Variants in RPS6KA2 observed in about 807,000 individuals in gnomAD.
RPS6KA2 encodes the protein ribosomal protein S6 kinase A2.
Under a neutral mutation model 91.8 loss-of-function variants are expected in RPS6KA2, and 42 were observed. The observed-to-expected ratio is 0.46, with a 90% CI of 0.36 to 0.59. RPS6KA2 has a LOEUF of 0.59. Ranked by LOEUF, RPS6KA2 falls within the 20% of genes least tolerant of loss-of-function variation. The pLI, the probability that RPS6KA2 is intolerant of heterozygous loss-of-function variation, is 0.00. For missense variants in RPS6KA2, 798 were observed against 978.5 expected (o/e 0.82, Z 2.46); for synonymous variants, 414 against 393.6 (o/e 1.05, Z -0.61).
In RPS6KA2 at chr6:166,533,696, C is replaced by T. The variant is rs1783375736; in HGVS notation, c.217-2383G>A. Reference sequence around the variant, plus strand: ...GAAGCCTTGGGTGGTTGCTCCAGCCCATGGTGGACTTTGGTAGGGTGACAG... The same window carrying T: ...GAAGCCTTGGGTGGTTGCTCCAGCCTATGGTGGACTTTGGTAGGGTGACAG... On this transcript the variant is annotated intron_variant, in intron 2 of 20. Transcript: ENST00000265678. The surrounding 1 kb of genome is among the most constrained non-coding windows in gnomAD (Gnocchi z 4.0). Among the ~76,000 whole-genome samples, 2 of 152,210 alleles carry T rather than the reference C, an allele frequency of 1.3e-5. No homozygotes were observed. The highest frequency in any genetic ancestry group is 4.8e-5 in the African/African-American group (2 of 41,452).
Position 166,432,403 on chromosome 6 carries a change from C to T in RPS6KA2, c.1420G>A (p.Asp474Asn). ...GCTGTTGCACGGGGACCACTCACAT[C>T]CTTGAGGGTGATGATGTTCGGGTGC... Reference protein sequence around the residue: ...GQHPNIITLKDVYDDGKFVYL... With the variant: ...GQHPNIITLKNVYDDGKFVYL... Residue 474 changes from aspartate (D) to asparagine (N), a missense_variant and splice_region_variant, in exon 15 of 21, where the codon GAT becomes AAT. Transcript: ENST00000265678. The T allele has an allele frequency of 6.2e-7, 1 of 1,608,554 alleles. No individual in the cohort carries two copies. The highest frequency in any genetic ancestry group is 1.1e-5 in the South Asian group (1 of 90,782).
intron 1 of RPS6KA2, among the ~76,000 whole-genome samples, chr6:166,597,322 A>C (rs1187101789): frequency 1.3e-5 from 2 of 152,216 alleles, no homozygotes; most frequent in Non-Finnish European, 2.9e-5. Flanking sequence ...GAGACAGCTC[A>C]TCTCTGAGGA....
At chr6:166,676,759 C>G (rs1329677031) in intron 2 of RPS6KA2, among the ~76,000 whole-genome samples, 5 of 152,258 alleles carry the variant, frequency 3.3e-5, no homozygotes, top group Non-Finnish European at 7.3e-5. Flanking sequence ...CCAACGTCTA[C>G]ATATTCACGC....
At chr6:166,820,364 GATTAAGTGCCTCTCACCTGGGTCTCAA>G (rs1779878287) in intron 2 of RPS6KA2, among the ~76,000 whole-genome samples, 1 of 152,118 alleles carries the variant, frequency 6.6e-6, no homozygotes, top group African/African-American at 2.4e-5. Flanking sequence ...CTCAATCTCA[GATTAAGTGCCTCTCACCTGGGTCTCAA>G]ATTATCTGAT....
At chr6:166,683,879 C>T (rs577857322) in intron 2 of RPS6KA2, among the ~76,000 whole-genome samples, 1 of 152,288 alleles carries the variant, frequency 6.6e-6, no homozygotes, top group South Asian at 2.1e-4. Flanking sequence ...AGCTGTGGTC[C>T]CTAAGGTTCC....
intron 6 of RPS6KA2, 79 bp from the exon 7 acceptor site, chr6:166,501,003 C>T: frequency 7.2e-7 from 1 of 1,387,076 alleles, no homozygotes; most frequent in Non-Finnish European, 1.0e-6. Context: ...CAGAGGAGAG[C>T]TGCGGGGCAG....
At chr6:166,831,362 C>T (rs117380538) in intron 2 of RPS6KA2, among the ~76,000 whole-genome samples, 2 of 152,260 alleles carry the variant, frequency 1.3e-5, no homozygotes, top group East Asian at 1.9e-4. Flanking sequence ...GGTCCGTGGC[C>T]ATGATGACTA....
chr6:166,494,182 G>A lies in RPS6KA2; in HGVS notation c.748-3441C>T, dbSNP rs188049713. On this transcript the variant is annotated intron_variant, in intron 8 of 20. Transcript: ENST00000265678. The surrounding 1 kb of genome is among the most constrained non-coding windows in gnomAD (Gnocchi z 5.1). ...GCAGGGTATGGAGGGGCTGGGTCTC[G>A]GAGAGCTGTGTTGATCCATGCCCAT... 5.3e-5 allele frequency among the ~76,000 whole-genome samples: 8 copies of A among 152,336 alleles called. No homozygotes were observed. The highest frequency in any genetic ancestry group is 7.3e-5 in the Non-Finnish European group (5 of 68,028).
intron 2 of RPS6KA2, among the ~76,000 whole-genome samples, chr6:166,697,249 T>G (rs1401406601): frequency 6.6e-6 from 1 of 152,128 alleles, no homozygotes; most frequent in African/African-American, 2.4e-5. Flanking sequence ...CTATAGGATA[T>G]CCCCACATTG....
At position 166,627,140 on chromosome 6, in the gene RPS6KA2, TGGGCGCG is replaced by T. The variant is rs1786917139; in HGVS notation, c.-128_-122del. ...GCCAGGGAGCCCGGCACGGCGGCCA[TGGGCGCG>T]GGGCGTGGGGCGCGAGCTGCGGTCA... On this transcript the variant is annotated 5_prime_UTR_variant, in exon 1 of 21. Transcript: ENST00000265678. 1 of 1,136,440 alleles carries T rather than the reference TGGGCGCG, an allele frequency of 8.8e-7. No individual in the cohort carries two copies. Among genetic ancestry groups the T allele is most frequent in the African/African-American group, 1.6e-5 (1 of 60,838 alleles). The allele number at this position is 1,136,440 out of a possible 1,614,324, so 70.4% of individuals were successfully genotyped here.
chr6:166,565,107 C>T (rs1474231430), intron 1 of RPS6KA2, among the ~76,000 whole-genome samples: 4 of 152,318 alleles, frequency 2.6e-5, no homozygotes. Context: ...CTGCATCTTC[C>T]TGTTGAGTCT....
chr6:166,619,916 C>A (rs3778369), intron 1 of RPS6KA2, among the ~76,000 whole-genome samples: 22,543 of 152,174 alleles, frequency 0.15, 1,713 homozygotes, highest in Non-Finnish European at 0.17. Context: ...CTACCATAAC[C>A]ATTCCAAAAC....
At chr6:166,427,961 A>G (rs1583119187) in intron 16 of RPS6KA2, among the ~76,000 whole-genome samples, 1 of 148,242 alleles carries the variant, frequency 6.7e-6, no homozygotes, top group Non-Finnish European at 1.5e-5. Flanking sequence ...TTTAAAGTTC[A>G]TATGGAACCA....
At chr6:166,604,600 C>T (rs189179207) in intron 1 of RPS6KA2, among the ~76,000 whole-genome samples, 1 of 152,190 alleles carries the variant, frequency 6.6e-6, no homozygotes, top group Admixed American at 6.5e-5. Flanking sequence ...CTTACCTGAG[C>T]ATCAGAGTTT....
intron 8 of RPS6KA2, 26 bp downstream of exon 8, chr6:166,498,482 A>G (rs757571686): frequency 1.3e-6 from 2 of 1,590,480 alleles, no homozygotes; most frequent in Non-Finnish European, 8.5e-7. Flanking sequence ...CCGCCATGGC[A>G]CAGAAGAGGG....
At chr6:166,712,059 A>G (rs1789877369) in intron 2 of RPS6KA2, among the ~76,000 whole-genome samples, 1 of 152,228 alleles carries the variant, frequency 6.6e-6, no homozygotes, top group Non-Finnish European at 1.5e-5. Context: ...GATTTGATAA[A>G]TCAGACAGAA....
rs546247150 is a variant in RPS6KA2, at chr6:166,736,173, C to G, written c.123+122027G>C. On this transcript the variant is annotated intron_variant, in intron 2 of 21. Transcript: ENST00000503859. The stretch of plus-strand genomic sequence containing the variant: ...TTTCAACATCAGAAAATTATTGGGG[C>G]TTACAGAGCTGAGGACATTTGGACT... 3.9e-5 allele frequency among the ~76,000 whole-genome samples: 6 copies of G among 152,300 alleles called. No individual in the cohort carries two copies. In the East Asian group the frequency reaches 1.2e-3, roughly 29 times the overall value.
In RPS6KA2 at chr6:166,644,615, A is replaced by G. The variant is rs114315367; in HGVS notation, c.124-105831T>C. 6.1e-3 allele frequency among the ~76,000 whole-genome samples: 935 copies of G among 152,342 alleles called. 13 individuals are homozygous for G. Among genetic ancestry groups the G allele is most frequent in the African/African-American group, 0.021 (869 of 41,586 alleles). On this transcript the variant is annotated intron_variant, in intron 2 of 21. Transcript: ENST00000503859. The stretch of plus-strand genomic sequence containing the variant: ...GTGTTTTGGCTTAGACGTATTTTAA[A>G]TAAGGGCCCATACATATTAAAAAGT...
At chr6:166,471,131 A>G (rs987177815) in intron 10 of RPS6KA2, among the ~76,000 whole-genome samples, 4 of 152,180 alleles carry the variant, frequency 2.6e-5, no homozygotes, top group African/African-American at 9.6e-5. Flanking sequence ...CTCCTGTGCC[A>G]TGTATGCCCC....
Sources: gnomAD v4.1 joint callset for allele counts (sites outside exome capture counted in the v4.1 genomes callset) on GRCh38, gnomAD v4.1.1 for gene constraint, Gnocchi (gnomAD v3.1) non-coding constraint, MANE v1.5 for transcripts, NCBI Gene and HGNC (gene_info 2026-07-23, HGNC 2026-07-21) for gene names.